ZNF154: variants seen among roughly 807,000 people sequenced by gnomAD.
ZNF154 encodes the protein zinc finger protein 154, also known as zinc finger protein 154 (pHZ-92).
Under a neutral mutation model 7.5 loss-of-function variants are expected in ZNF154, and 6 were observed. The ratio of observed to expected loss-of-function variants is 0.80; its 90% CI spans 0.44 to 1.57. The LOEUF is 1.57. Among genes scored for constraint, ZNF154 ranks in the 40% most tolerant of loss-of-function variants. ZNF154 has a pLI of 0.01. For synonymous variants in ZNF154, 187 were observed against 185.9 expected (o/e 1.01, Z -0.05); for missense variants, 485 against 531.4 (o/e 0.91, Z 0.86).
At position 57,704,923 on chromosome 19, in the gene ZNF154, G is replaced by C. The variant is rs1229857949; in HGVS notation, c.90C>G (p.Leu30=). 1 of 1,613,718 alleles carries C rather than the reference G, an allele frequency of 6.2e-7. No individual in the cohort carries two copies. Among genetic ancestry groups the C allele is most frequent in the East Asian group, 2.2e-5 (1 of 44,860 alleles). The part of the protein sequence containing the change: ...AVHFSWEEWG[L]LDEAQRCLYR... ...ACAGGCATCTTTGAGCCTCATCAAG[G>C]AGACCCCATTCCTCCCAGGAGAAGT... Residue 30 remains leucine (L), a synonymous_variant, in exon 2 of 3, where the codon CTC becomes CTG. Coordinates refer to ENST00000684351, the MANE Select transcript of ZNF154 (RefSeq NM_001085384.3).
rs1245818810 is a variant in ZNF154, at chr19:57,709,170, T to G, written c.-199A>C. The G allele has an allele frequency of 9.1e-6, 6 of 659,790 alleles. No homozygotes were observed. The highest frequency in any genetic ancestry group is 1.8e-5 in the African/African-American group (1 of 55,234). The allele number at this position is 659,790 out of a possible 1,614,324, so 40.9% of individuals were successfully genotyped here. A position where few individuals can be genotyped will look rare whatever the true frequency, so the allele number is the denominator to read the frequency against. On this transcript the variant is annotated 5_prime_UTR_variant, in exon 1 of 3. Coordinates refer to ENST00000684351, the MANE Select transcript of ZNF154 (RefSeq NM_001085384.3). Reference sequence around the variant, plus strand: ...CGGCGCTCTGCTATCTCTGATCCGGTGAACACACCTCAGAGAAGCTAAAAT... The same window carrying G: ...CGGCGCTCTGCTATCTCTGATCCGGGGAACACACCTCAGAGAAGCTAAAAT...
At position 57,702,091 on chromosome 19, in the gene ZNF154, G is replaced by C; in HGVS notation, c.858C>G (p.Ser286=). 6.2e-7 allele frequency: 1 copy of C among 1,610,992 alleles called. No homozygotes were observed. Among genetic ancestry groups the C allele is most frequent in the East Asian group, 2.2e-5 (1 of 44,792 alleles). The change falls in exon 3 of 3, where the codon TCC becomes TCG. Residue 286 remains serine (S), a synonymous_variant. Coordinates refer to ENST00000684351, the MANE Select transcript of ZNF154 (RefSeq NM_001085384.3). The stretch of plus-strand genomic sequence containing the variant: ...GAACTTTCTGGTGTTTTATGAGACT[G>C]GAATGATATGTAAAAAACTTCCCAC... ...SECGKFFTYH[S]SLIKHQKVHS...
rs1035321488 is a variant in ZNF154 at position 57,702,369 on chromosome 19, A to G, written c.580T>C (p.Cys194Arg). The G allele has an allele frequency of 1.7e-5, 28 of 1,612,336 alleles. No homozygotes were observed. The highest frequency in any genetic ancestry group is 2.3e-5 in the Non-Finnish European group (27 of 1,178,826). The part of the protein sequence containing the change: ...TGEKPYECRE[C>R]GKSFRQSSSL... ...GAGCTTTGCCTAAAGGACTTCCCACACTCTCGACATTCATAAGGCTTTTCT... is the reference window on the plus strand; with the variant it reads ...GAGCTTTGCCTAAAGGACTTCCCACGCTCTCGACATTCATAAGGCTTTTCT... The change falls in exon 3 of 3, where the codon TGT (cysteine) becomes CGT (arginine). Residue 194 changes from cysteine to arginine, a missense_variant. Cys to Arg is a radical substitution (Grantham distance 180). Coordinates refer to ENST00000684351, the MANE Select transcript of ZNF154 (RefSeq NM_001085384.3).
chr19:57,706,145 A>C (rs1340803288), intron 1 of ZNF154, among the ~76,000 whole-genome samples: 1 of 152,108 alleles, frequency 6.6e-6, no homozygotes, highest in Non-Finnish European at 1.5e-5. Flanking sequence ...TAGACTTTAC[A>C]CCATAACTTA....
rs773070581 is a variant in ZNF154, at chr19:57,702,000, T to A, written c.949A>T (p.Ile317Phe). The change falls in exon 3 of 3, where the codon ATT (isoleucine) becomes TTT (phenylalanine). Residue 317 changes from isoleucine to phenylalanine, a missense_variant. By Grantham distance (21) the Ile-to-Phe change is conservative. Coordinates refer to ENST00000684351, the MANE Select transcript of ZNF154 (RefSeq NM_001085384.3). ...CCAGTGTGAACCCTATGGTGTTCAA[T>A]GAGGCTAGAGTTTTGGCTAAATGAC... Reference protein sequence around the residue: ...GKSFSQNSSLIEHHRVHTGER... With the variant: ...GKSFSQNSSLFEHHRVHTGER... The A allele has an allele frequency of 1.9e-6, 3 of 1,613,214 alleles. No homozygotes were observed. Among genetic ancestry groups the A allele is most frequent in the Non-Finnish European group, 2.5e-6 (3 of 1,179,670 alleles).
chr19:57,704,910 G>C lies in ZNF154; in HGVS notation c.103C>G (p.Gln35Glu), dbSNP rs1410108509. ...ATCACATCACGGTACAGGCATCTTTGAGCCTCATCAAGGAGACCCCATTCC... is the reference window on the plus strand; with the variant it reads ...ATCACATCACGGTACAGGCATCTTTCAGCCTCATCAAGGAGACCCCATTCC... ...WEEWGLLDEA[Q>E]RCLYRDVMLE... The change falls in exon 2 of 3, where the codon CAA (glutamine) becomes GAA (glutamate). Residue 35 changes from glutamine to glutamate, a missense_variant. Gln to Glu is a conservative substitution (Grantham distance 29, BLOSUM62 2). Transcript: ENST00000684351. 6.2e-7 allele frequency: 1 copy of C among 1,613,848 alleles called. No homozygotes were observed. The highest frequency in any genetic ancestry group is 1.3e-5 in the African/African-American group (1 of 74,980).
chr19:57,702,410 C>T lies in ZNF154; in HGVS notation c.539G>A (p.Trp180Ter). 1.9e-6 allele frequency: 3 copies of T among 1,613,974 alleles called. No individual in the cohort carries two copies. Among genetic ancestry groups the T allele is most frequent in the Non-Finnish European group, 2.5e-6 (3 of 1,179,882 alleles). ...FSKSYSLNDH[W>*]RLHTGEKPYE... ...AGGCTTTTCTCCAGTGTGAAGTCTCCAATGGTCATTGAGACTGTAGCTTTT... is the reference window on the plus strand; with the variant it reads ...AGGCTTTTCTCCAGTGTGAAGTCTCTAATGGTCATTGAGACTGTAGCTTTT... The change falls in exon 3 of 3, where the codon TGG (tryptophan) becomes TAG (stop). Residue 180 changes from tryptophan (W) to a stop codon, truncating the protein, a stop_gained. Transcript: ENST00000684351. LOFTEE classifies it low-confidence loss of function (END_TRUNC).
Position 57,697,190 on chromosome 19 carries a change from TA to T in ZNF154, c.*4444del, listed in dbSNP as rs1172320864. Among the ~76,000 whole-genome samples the T allele has an allele frequency of 1.2e-4, 18 of 152,340 alleles. No individual in the cohort carries two copies. The highest frequency in any genetic ancestry group is 4.3e-4 in the African/African-American group (18 of 41,582). ...CATCACATTCTGGTTTAATGCTTAA[TA>T]AAAGCGTTTTCTGTCTCTACCTTCG... is the stretch of plus-strand genomic sequence containing the variant. On this transcript the variant is annotated 3_prime_UTR_variant, in exon 3 of 3. Transcript: ENST00000684351.
At chr19:57,707,437 C>A (rs1003380009) in intron 1 of ZNF154, among the ~76,000 whole-genome samples, 1 of 152,150 alleles carries the variant, frequency 6.6e-6, no homozygotes, top group African/African-American at 2.4e-5. Flanking sequence ...AATTTAGTTG[C>A]TCCCTTTAAA....
intron 2 of ZNF154, among the ~76,000 whole-genome samples, chr19:57,703,061 C>T (rs1294895244): frequency 6.6e-6 from 1 of 152,190 alleles, no homozygotes; most frequent in Non-Finnish European, 1.5e-5. Context: ...TGCACATTAA[C>T]TATGGTGGGA....
At position 57,698,665 on chromosome 19, in the gene ZNF154, G is replaced by A. The variant is rs1408363002; in HGVS notation, c.*2970C>T. ...ATGTTGGATTTTGCCATTTTATATT[G>A]GAAAACATTCTTAAATAAATGTGGT... is the stretch of plus-strand genomic sequence containing the variant. On this transcript the variant is annotated 3_prime_UTR_variant, in exon 3 of 3. Transcript: ENST00000684351. 6.6e-6 allele frequency: 1 copy of A among 152,066 alleles called. No individual in the cohort carries two copies. Among genetic ancestry groups the A allele is most frequent in the Non-Finnish European group, 1.5e-5 (1 of 68,012 alleles). The allele number at this position is 152,066 out of a possible 1,614,324, so 9.4% of individuals were successfully genotyped here.
chr19:57,705,033 C>A, intron 1 of ZNF154, 54 bp from the exon 2 acceptor site: 1 of 1,563,652 alleles, frequency 6.4e-7, no homozygotes, highest in South Asian at 1.2e-5. Context: ...CAAGGACCCA[C>A]AATGCATACC....
chr19:57,708,861 C>G, intron 1 of ZNF154, 78 bp downstream of exon 1: 1 of 1,530,390 alleles, frequency 6.5e-7, no homozygotes, highest in Non-Finnish European at 8.9e-7. Context: ...AGCGGGGACT[C>G]GAGCAGGCGC....
chr19:57,701,126 A>T lies in ZNF154; in HGVS notation c.*509T>A, dbSNP rs1985112008. 6.3e-6 allele frequency: 1 copy of T among 158,208 alleles called. No individual in the cohort carries two copies. Among genetic ancestry groups the T allele is most frequent in the South Asian group, 1.8e-4 (1 of 5,512 alleles). 9.8% of individuals were successfully genotyped at this position (158,208 alleles called of 1,614,324 possible). ...GTCACCAGCAGAGTCCTCTGGGCCA[A>T]ACTGGGTCAGGTCCATGGCCTAACT... On this transcript the variant is annotated 3_prime_UTR_variant, in exon 3 of 3. Transcript: ENST00000684351.
rs1383799494 is a variant in ZNF154, at chr19:57,702,483, T to C, written c.466A>G (p.Thr156Ala). The change falls in exon 3 of 3, where the codon ACT becomes GCT. Residue 156 changes from threonine to alanine, a missense_variant. By Grantham distance (58) the Thr-to-Ala change is moderately conservative. Transcript: ENST00000684351. ...CTGCATATGTAACATCTTTCTGTAG[T>C]GAGGGTTCTCTGCTGCTGAACAAGT... ...HTLVQQQRTL[T>A]TERCYICSEC... 9 of 1,614,144 alleles carry C rather than the reference T, an allele frequency of 5.6e-6. No individual in the cohort carries two copies. The Admixed American group carries it at 1.5e-4, about 27-fold the overall frequency.
chr19:57,701,628 A>G lies in ZNF154; in HGVS notation c.*7T>C, dbSNP rs1287599944. ...CAGATTTTCCACATTTGCCACTCAT[A>G]AGGCTTTTATCGACTATGAATTCTC... On this transcript the variant is annotated 3_prime_UTR_variant, in exon 3 of 3. Coordinates refer to ENST00000684351, the MANE Select transcript of ZNF154 (RefSeq NM_001085384.3). 2.5e-6 allele frequency: 4 copies of G among 1,607,574 alleles called. No individual in the cohort carries two copies.
In ZNF154 at chr19:57,708,688, C is replaced by T. The variant is rs532629876; in HGVS notation, c.33+251G>A. 9.2e-5 allele frequency among the ~76,000 whole-genome samples: 14 copies of T among 152,326 alleles called. No homozygotes were observed. The South Asian group carries it at 2.7e-3, about 29-fold the overall frequency. ...AGGAGTAACTCCGCCTCATATTCTTCGTTCCCTGCAGAAAACAGCTTTCCG... is the reference window on the plus strand; with the variant it reads ...AGGAGTAACTCCGCCTCATATTCTTTGTTCCCTGCAGAAAACAGCTTTCCG... On this transcript the variant is annotated intron_variant, in intron 1 of 2. Transcript: ENST00000684351.
In ZNF154 at chr19:57,702,506, AGT is replaced by A. The variant is rs1335253369; in HGVS notation, c.441_442del (p.Leu148CysfsTer17). 4 of 1,614,052 alleles carry A rather than the reference AGT, an allele frequency of 2.5e-6. No homozygotes were observed. Among genetic ancestry groups the A allele is most frequent in the Non-Finnish European group, 2.5e-6 (3 of 1,180,036 alleles). ...AGTGAGGGTTCTCTGCTGCTGAACA[AGT>A]GTGTGTTTACCGCTGAATGCTTTTG... On this transcript the variant is annotated frameshift_variant, in exon 3 of 3. Coordinates refer to ENST00000684351, the MANE Select transcript of ZNF154 (RefSeq NM_001085384.3). LOFTEE classifies it low-confidence loss of function (END_TRUNC).
intron 2 of ZNF154, among the ~76,000 whole-genome samples, chr19:57,704,181 C>T (rs975250198): frequency 4.6e-5 from 7 of 152,154 alleles, no homozygotes; most frequent in Non-Finnish European, 1.0e-4. Flanking sequence ...GCTGACTTGT[C>T]AGCAAAATGT....
Sources: gnomAD v4.1 joint callset for allele counts (sites outside exome capture counted in the v4.1 genomes callset) on GRCh38, gnomAD v4.1.1 for gene constraint, MANE v1.5 for transcripts, NCBI Gene and HGNC (gene_info 2026-07-23, HGNC 2026-07-21) for gene names.